Variants in PKHD1 observed in about 807,000 individuals in gnomAD.
The protein encoded by PKHD1 is PKHD1 ciliary IPT domain containing fibrocystin/polyductin, also known as fibrocystin.
PKHD1 carries 291 observed loss-of-function variants against 412.0 expected under a neutral mutation model. The ratio of observed to expected loss-of-function variants is 0.71; its 90% CI spans 0.64 to 0.78. PKHD1 has a LOEUF of 0.78. PKHD1 is among the 30% of genes least tolerant of loss of function. The pLI, the probability that PKHD1 is intolerant of heterozygous loss-of-function variation, is 0.00. For missense variants in PKHD1, 4,825 were observed against 4,950.7 expected (o/e 0.97, Z 0.76); for synonymous variants, 1,777 against 1,821.5 (o/e 0.98, Z 0.62).
chr6:51,707,456 T>C (rs1353934805), intron 60 of PKHD1, among the ~76,000 whole-genome samples: 1 of 152,128 alleles, frequency 6.6e-6, no homozygotes, highest in Non-Finnish European at 1.5e-5. Flanking sequence ...CCTCCCAATT[T>C]ATCAAGAAAT....
intron 5 of PKHD1, among the ~76,000 whole-genome samples, chr6:52,078,471 C>G (rs1811619277): frequency 6.6e-6 from 1 of 152,126 alleles, no homozygotes; most frequent in Non-Finnish European, 1.5e-5. Flanking sequence ...CCACAGCAGG[C>G]TCTTTGCAGT....
chr6:51,767,418 T>C (rs918678682), intron 55 of PKHD1, among the ~76,000 whole-genome samples: 3 of 152,140 alleles, frequency 2.0e-5, no homozygotes, highest in Non-Finnish European at 4.4e-5. Flanking sequence ...ACATGTGCCA[T>C]GTTGGTATGC....
chr6:52,053,599 C>T (rs1228813679), intron 20 of PKHD1, among the ~76,000 whole-genome samples: 1 of 152,016 alleles, frequency 6.6e-6, no homozygotes, highest in Non-Finnish European at 1.5e-5. Context: ...TGGACATTAC[C>T]AGTTTCATTT....
intron 60 of PKHD1, among the ~76,000 whole-genome samples, chr6:51,710,913 A>G (rs1253113173): frequency 1.3e-5 from 2 of 152,154 alleles, no homozygotes; most frequent in African/African-American, 4.8e-5. Context: ...GAACAACAAT[A>G]CTATCATAAC....
intron 46 of PKHD1, among the ~76,000 whole-genome samples, chr6:51,874,873 T>C (rs1776598426): frequency 1.0e-5 from 1 of 98,966 alleles, no homozygotes; most frequent in Non-Finnish European, 1.9e-5. Context: ...CACTAGGGAG[T>C]GCCAGACAGT....
chr6:51,764,405 C>G (rs1330525803), intron 55 of PKHD1, among the ~76,000 whole-genome samples: 1 of 147,190 alleles, frequency 6.8e-6, no homozygotes, highest in East Asian at 2.1e-4. Flanking sequence ...ATTAAAAAGT[C>G]AGGAAACAAC....
At chr6:51,728,994 T>C (rs1782919803) in intron 60 of PKHD1, among the ~76,000 whole-genome samples, 1 of 152,220 alleles carries the variant, frequency 6.6e-6, no homozygotes, top group Non-Finnish European at 1.5e-5. Context: ...ATTTCCTTTG[T>C]CTGTAACGTG....
chr6:51,804,368 GGGGGGC>G lies in PKHD1; in HGVS notation c.8303-13001_8303-12996del, dbSNP rs1459078654. ...AGAAATACTAATTCATTGGGGGGGG[GGGGGGC>G]GGTAACAGGAGAAATTAAGCGAAAT... On this transcript the variant is annotated intron_variant, in intron 52 of 66. Coordinates refer to ENST00000371117, the MANE Select transcript of PKHD1 (RefSeq NM_138694.4). Among the ~76,000 whole-genome samples the G allele has an allele frequency of 1.9e-4, 21 of 110,522 alleles. 5 individuals carry two copies. The highest frequency in any genetic ancestry group is 6.8e-4 in the African/African-American group (20 of 29,500). The allele number at this position is 110,522 out of a possible 152,430, so 72.5% of individuals were successfully genotyped here. A position where few individuals can be genotyped will look rare whatever the true frequency, so the allele number is the denominator to read the frequency against.
intron 43 of PKHD1, among the ~76,000 whole-genome samples, chr6:51,902,465 A>C (rs1396471288): frequency 1.3e-5 from 2 of 152,172 alleles, no homozygotes; most frequent in African/African-American, 4.8e-5. Flanking sequence ...TTAGGCACCT[A>C]AAATGGTGTG....
intron 64 of PKHD1, among the ~76,000 whole-genome samples, chr6:51,635,218 C>T (rs1768374100): frequency 6.6e-6 from 1 of 152,094 alleles, no homozygotes; most frequent in Admixed American, 6.5e-5. Flanking sequence ...GCATGAGCCA[C>T]CCCGCACAGC....
intron 34 of PKHD1, among the ~76,000 whole-genome samples, chr6:52,011,272 T>C (rs1192324417): frequency 6.6e-6 from 1 of 152,194 alleles, no homozygotes; most frequent in Non-Finnish European, 1.5e-5. Context: ...AGGTGTGATA[T>C]TTATTCAAGA....
Position 52,050,220 on chromosome 6 carries a change from G to C in PKHD1, c.2216C>G (p.Pro739Arg), listed in dbSNP as rs758352210. 1 of 1,614,142 alleles carries C rather than the reference G, an allele frequency of 6.2e-7. No homozygotes were observed. Among genetic ancestry groups the C allele is most frequent in the Non-Finnish European group, 8.5e-7 (1 of 1,179,954 alleles). The change falls in exon 22 of 67, where the codon CCG becomes CGG. Residue 739 changes from proline to arginine, a missense_variant. Coordinates refer to ENST00000371117, the MANE Select transcript of PKHD1 (RefSeq NM_138694.4). ...CAGCCAGGAGGTGACACTGTAGACC[G>C]GAGGGGATCCCACCACAGAGACTGA... Reference protein sequence around the residue: ...VESVSVVGSPPVYSVTSWLAG... With the variant: ...VESVSVVGSPRVYSVTSWLAG...
chr6:51,804,202 C>A (rs1320686148), intron 52 of PKHD1, among the ~76,000 whole-genome samples: 2 of 151,188 alleles, frequency 1.3e-5, no homozygotes, highest in Non-Finnish European at 2.9e-5. Flanking sequence ...CTCATAACTA[C>A]CAAATGGCCA....
At position 51,934,147 on chromosome 6, in the gene PKHD1, C is replaced by CTTGA; in HGVS notation, c.6080_6083dup (p.Lys2028AsnfsTer26). 1 of 1,614,040 alleles carries CTTGA rather than the reference C, an allele frequency of 6.2e-7. No homozygotes were observed. Among genetic ancestry groups the CTTGA allele is most frequent in the Non-Finnish European group, 8.5e-7 (1 of 1,179,892 alleles). Reference sequence around the variant, plus strand: ...GAGTTCCATTCCTCACAGCCAGGAACTTGACTCCATAGGGAAAGAAGGGAG... The same window carrying CTTGA: ...GAGTTCCATTCCTCACAGCCAGGAACTTGATTGACTCCATAGGGAAAGAAGGGAG... On this transcript the variant is annotated frameshift_variant, in exon 37 of 67. Coordinates refer to ENST00000371117, the MANE Select transcript of PKHD1 (RefSeq NM_138694.4). LOFTEE classifies it high-confidence loss of function.
chr6:51,636,052 A>T (rs1274156850), intron 64 of PKHD1, among the ~76,000 whole-genome samples: 5 of 152,190 alleles, frequency 3.3e-5, no homozygotes, highest in African/African-American at 1.2e-4. Context: ...ACAAACTTAC[A>T]GAAACCCTTA....
At chr6:51,792,743 C>T (rs1007094758) in intron 52 of PKHD1, among the ~76,000 whole-genome samples, 3 of 152,188 alleles carry the variant, frequency 2.0e-5, no homozygotes, top group Non-Finnish European at 4.4e-5. Context: ...AAGTATGGTC[C>T]TATCCCATCA....
intron 35 of PKHD1, chr6:51,975,837 G>C (rs1440479439): frequency 1.3e-5 from 2 of 151,770 alleles, no homozygotes; most frequent in Non-Finnish European, 1.5e-5. Flanking sequence ...AAGGAGGGAT[G>C]AATCGACCCA....
chr6:51,739,597 C>T (rs1220520609), intron 60 of PKHD1, among the ~76,000 whole-genome samples: 1 of 152,160 alleles, frequency 6.6e-6, no homozygotes, highest in African/African-American at 2.4e-5. Context: ...CCTAACCCTA[C>T]TGGAACATAA....
chr6:51,986,557 A>T (rs1391456152), intron 35 of PKHD1, among the ~76,000 whole-genome samples: 1 of 152,196 alleles, frequency 6.6e-6, no homozygotes, highest in Non-Finnish European at 1.5e-5. Flanking sequence ...TTATTTTTTT[A>T]AAAAGTGAAA....
Sources: allele counts gnomAD v4.1 joint callset (sites outside exome capture counted in the v4.1 genomes callset), GRCh38; gene constraint gnomAD v4.1.1; transcripts MANE v1.5; gene names NCBI Gene and HGNC (gene_info 2026-07-23, HGNC 2026-07-21).